The following YES1 variants were observed in gnomAD, a reference collection of about 807,000 sequenced individuals.
The protein encoded by YES1 is tyrosine-protein kinase Yes.
Under a neutral mutation model 70.4 loss-of-function variants are expected in YES1, and 39 were observed. The ratio of observed to expected loss-of-function variants is 0.55; its 90% CI spans 0.43 to 0.72. The LOEUF is 0.72. Ranked by LOEUF, YES1 falls within the 30% of genes least tolerant of loss-of-function variation. The probability of loss-of-function intolerance (pLI) is 0.00; values close to 1 mark genes in which losing one functional copy is unlikely to be tolerated. For missense variants in YES1, 495 were observed against 644.8 expected (o/e 0.77, Z 2.52); for synonymous variants, 198 against 218.6 (o/e 0.91, Z 0.83).
chr18:770,253 G>A (rs1283570327), intron 1 of YES1, among the ~76,000 whole-genome samples: 2 of 146,598 alleles, frequency 1.4e-5, no homozygotes, highest in African/African-American at 5.2e-5. Flanking sequence ...GAGCCACTGC[G>A]CCCGGCCCTT....
intron 11 of YES1, among the ~76,000 whole-genome samples, chr18:732,339 C>T (rs1427974050): frequency 1.4e-5 from 2 of 147,228 alleles, no homozygotes; most frequent in Non-Finnish European, 3.0e-5. Flanking sequence ...ACTTGGGAGG[C>T]TGAGGCAGGA....
chr18:754,075 T>G (rs1350708529), intron 2 of YES1, among the ~76,000 whole-genome samples: 1 of 152,186 alleles, frequency 6.6e-6, no homozygotes, highest in African/African-American at 2.4e-5. Context: ...GCTTCTATAC[T>G]GCTTCTCTAC....
rs564403980 is a variant in YES1 at position 783,786 on chromosome 18, T to C, written c.-8-26951A>G. Among the ~76,000 whole-genome samples, 30 of 152,234 alleles carry C rather than the reference T, an allele frequency of 2.0e-4. No individual in the cohort carries two copies. In the East Asian group the frequency reaches 5.8e-3, roughly 29 times the overall value. ...GCTGCCACCATGCCCAGCTAATTTT[T>C]GTATTTTTAGTAGAAACGGGTTTCA... is the stretch of plus-strand genomic sequence containing the variant. On this transcript the variant is annotated intron_variant, in intron 1 of 11. Coordinates refer to ENST00000314574, the MANE Select transcript of YES1 (RefSeq NM_005433.4).
At chr18:727,277 T>C (rs938171486) in intron 11 of YES1, among the ~76,000 whole-genome samples, 1 of 152,240 alleles carries the variant, frequency 6.6e-6, no homozygotes, top group African/African-American at 2.4e-5. Context: ...TCTACTGCTA[T>C]CTAGGCTTTC....
intron 1 of YES1, among the ~76,000 whole-genome samples, chr18:798,928 C>T (rs1164588129): frequency 1.3e-5 from 2 of 152,204 alleles, no homozygotes; most frequent in East Asian, 3.8e-4. Flanking sequence ...CTAGAATTTA[C>T]ATATCACTAG....
At chr18:781,265 GTC>G (rs1905648893) in intron 1 of YES1, among the ~76,000 whole-genome samples, 1 of 67,228 alleles carries the variant, frequency 1.5e-5, no homozygotes, top group African/African-American at 8.5e-5. Flanking sequence ...GTGAAACTCT[GTC>G]TCAAAAAAAA....
At chr18:797,877 T>G (rs1396169809) in intron 1 of YES1, 1 of 152,206 alleles carries the variant, frequency 6.6e-6, no homozygotes, top group East Asian at 1.9e-4. Context: ...ATATAATTCT[T>G]CTAGACCTAG....
At position 745,744 on chromosome 18, in the gene YES1, A is replaced by G. The variant is rs1268490756; in HGVS notation, c.688T>C (p.Phe230Leu). The change falls in exon 6 of 12, where the codon TTT becomes CTT. Residue 230 changes from phenylalanine (F) to leucine (L), a missense_variant. Phe to Leu is a conservative substitution (Grantham distance 22). Coordinates refer to ENST00000314574, the MANE Select transcript of YES1 (RefSeq NM_005433.4). ...TTCACCAATTTCTGCAGAGTATCAA[A>G]TTGTGCTCTGGTTGTGATATAGTAT... ...GGYYITTRAQ[F>L]DTLQKLVKHY... 1.2e-6 allele frequency: 2 copies of G among 1,612,620 alleles called. No homozygotes were observed. The highest frequency in any genetic ancestry group is 2.7e-5 in the African/African-American group (2 of 74,862).
intron 7 of YES1, 55 bp from the exon 8 acceptor site, chr18:743,152 T>C: frequency 6.5e-7 from 1 of 1,546,146 alleles, no homozygotes; most frequent in Admixed American, 2.1e-5. Flanking sequence ...TAGACCAAAC[T>C]TCAGTGAACA....
At chr18:784,881 T>C (rs1469105128) in intron 1 of YES1, among the ~76,000 whole-genome samples, 14 of 152,264 alleles carry the variant, frequency 9.2e-5, no homozygotes, top group Non-Finnish European at 1.5e-5. Context: ...CTCTTTACCA[T>C]GTAACCTAAT....
At chr18:784,788 T>C (rs768613989) in intron 1 of YES1, among the ~76,000 whole-genome samples, 13 of 152,212 alleles carry the variant, frequency 8.5e-5, no homozygotes, top group Non-Finnish European at 1.8e-4. Context: ...TACTCTATTA[T>C]GCCTACCTGG....
At chr18:754,183 G>A (rs1331048127) in intron 2 of YES1, among the ~76,000 whole-genome samples, 1 of 152,064 alleles carries the variant, frequency 6.6e-6, no homozygotes. Flanking sequence ...TCCTAGCTTT[G>A]AATAAAACCT....
In YES1 at chr18:749,395, G is replaced by T. The variant is rs1436679142; in HGVS notation, c.372-1377C>A. 2.0e-5 allele frequency among the ~76,000 whole-genome samples: 3 copies of T among 152,110 alleles called. No homozygotes were observed. The East Asian group carries it at 5.8e-4, about 29-fold the overall frequency. ...TGCCTGTAATCCCAGTTACTCAGGA[G>T]ACTGAGGCAGGAGAATCGCTTGAAC... On this transcript the variant is annotated intron_variant, in intron 3 of 11. Coordinates refer to ENST00000314574, the MANE Select transcript of YES1 (RefSeq NM_005433.4).
chr18:787,063 A>C (rs1905988141), intron 1 of YES1, among the ~76,000 whole-genome samples: 1 of 148,184 alleles, frequency 6.7e-6, no homozygotes, highest in African/African-American at 2.5e-5. Context: ...TTTTTAAAAA[A>C]CTGTGATACA....
Position 743,387 on chromosome 18 carries a change from C to A in YES1, c.753G>T (p.Leu251Phe). The A allele has an allele frequency of 6.2e-7, 1 of 1,612,810 alleles. No individual in the cohort carries two copies. Among genetic ancestry groups the A allele is most frequent in the South Asian group, 1.1e-5 (1 of 90,988 alleles). ...TEHADGLCHK[L>F]TTVCPTVKPQ... Reference sequence around the variant, plus strand: ...GTTTCACAGTTGGACACACAGTTGTCAACTTGTGGCATAAACCATCAGCAT... The same window carrying A: ...GTTTCACAGTTGGACACACAGTTGTAAACTTGTGGCATAAACCATCAGCAT... Residue 251 changes from leucine to phenylalanine, a missense_variant, in exon 7 of 12, where the codon TTG becomes TTT. By Grantham distance (22) the Leu-to-Phe change is conservative. Coordinates refer to ENST00000314574, the MANE Select transcript of YES1 (RefSeq NM_005433.4).
At chr18:797,710 G>A (rs941135885) in intron 1 of YES1, among the ~76,000 whole-genome samples, 1 of 152,076 alleles carries the variant, frequency 6.6e-6, no homozygotes, top group Non-Finnish European at 1.5e-5. Flanking sequence ...TAAAAATTTT[G>A]TCAGGAATCA....
intron 1 of YES1, among the ~76,000 whole-genome samples, chr18:773,583 T>G (rs1453175182): frequency 6.6e-6 from 1 of 152,196 alleles, no homozygotes; most frequent in Non-Finnish European, 1.5e-5. Flanking sequence ...CAAGAAATGC[T>G]ACCAGGTATT....
intron 8 of YES1, among the ~76,000 whole-genome samples, chr18:741,149 C>T (rs529312795): frequency 3.4e-4 from 52 of 152,272 alleles, no homozygotes; most frequent in Non-Finnish European, 6.6e-4. Flanking sequence ...CTGCCTGCCT[C>T]GGCCTCCCAA....
chr18:739,857 A>G (rs749289407), intron 8 of YES1, 46 bp from the exon 9 acceptor site: 3 of 1,461,078 alleles, frequency 2.1e-6, no homozygotes, highest in African/African-American at 2.8e-5. Context: ...CAAATCTTAT[A>G]TTAGGATTGA....
Sources: allele counts gnomAD v4.1 joint callset (sites outside exome capture counted in the v4.1 genomes callset), GRCh38; gene constraint gnomAD v4.1.1; transcripts MANE v1.5; gene names NCBI Gene and HGNC (gene_info 2026-07-23, HGNC 2026-07-21).